The following NOL4L variants were observed in gnomAD, a reference collection of about 807,000 sequenced individuals.
The protein encoded by NOL4L is nucleolar protein 4-like.
A neutral mutation model predicts 64.5 loss-of-function variants in NOL4L; 7 were observed. The observed-to-expected ratio is 0.11, with a 90% CI of 0.06 to 0.20. The LOEUF is 0.20. Ranked by LOEUF, NOL4L falls within the 10% of genes least tolerant of loss-of-function variation. The probability of loss-of-function intolerance (pLI) is 1.00; values close to 1 mark genes in which losing one functional copy is unlikely to be tolerated. For missense variants in NOL4L, 680 were observed against 967.1 expected (o/e 0.70, Z 3.94); for synonymous variants, 413 against 401.0 (o/e 1.03, Z -0.36).
Position 32,446,554 on chromosome 20 carries a change from G to GAGGGCA in NOL4L, c.*1036_*1041dup, listed in dbSNP as rs2012340353. 1 of 152,688 alleles carries GAGGGCA rather than the reference G, an allele frequency of 6.5e-6. No individual in the cohort carries two copies. The highest frequency in any genetic ancestry group is 6.5e-5 in the Admixed American group (1 of 15,320). The allele number at this position is 152,688 out of a possible 1,614,324, so 9.5% of individuals were successfully genotyped here. A position where few individuals can be genotyped will look rare whatever the true frequency, so the allele number is the denominator to read the frequency against. ...ACCTGGCTCCTGGGCAGCGGGGTGT[G>GAGGGCA]AGGGCAAGGGCCCTGCCAACCGGCT... On this transcript the variant is annotated 3_prime_UTR_variant, in exon 11 of 11. Transcript: ENST00000621426.
chr20:32,507,930 G>A (rs1027663043), intron 4 of NOL4L, among the ~76,000 whole-genome samples: 2 of 152,226 alleles, frequency 1.3e-5, no homozygotes, highest in South Asian at 4.1e-4. Context: ...AGAAATGCTC[G>A]AACCTGGGAA....
At chr20:32,558,740 G>A (rs1381994843) in intron 1 of NOL4L, among the ~76,000 whole-genome samples, 1 of 152,194 alleles carries the variant, frequency 6.6e-6, no homozygotes, top group Non-Finnish European at 1.5e-5. Context: ...CTTGCAGGCT[G>A]TGGTATGGAG....
chr20:32,498,016 A>G (rs1156659600), intron 4 of NOL4L, among the ~76,000 whole-genome samples: 2 of 152,220 alleles, frequency 1.3e-5, no homozygotes, highest in Non-Finnish European at 2.9e-5. Context: ...CCCCCAGATA[A>G]TAAAGTTGAA....
Position 32,474,610 on chromosome 20 carries a change from G to T in NOL4L, c.832C>A (p.Gln278Lys). The T allele has an allele frequency of 6.2e-7, 1 of 1,612,242 alleles. No homozygotes were observed. The highest frequency in any genetic ancestry group is 2.2e-5 in the East Asian group (1 of 44,874). ...ACCAAGGGGCACTCACCGTCCTCTTGACTGTGGAGGTTCTGCGGGCTCCGC... is the reference window on the plus strand; with the variant it reads ...ACCAAGGGGCACTCACCGTCCTCTTTACTGTGGAGGTTCTGCGGGCTCCGC... ...RMRSPQNLHS[Q>K]EDDDSSSESG... The change falls in exon 5 of 11, where the codon CAA (glutamine) becomes AAA (lysine). Residue 278 changes from glutamine to lysine, a missense_variant. Physicochemically the swap from Gln to Lys is moderately conservative, Grantham distance 53 (BLOSUM62 1). Coordinates refer to ENST00000621426, the MANE Select transcript of NOL4L (RefSeq NM_001256798.2).
At chr20:32,570,919 G>T (rs1979712768) in intron 1 of NOL4L, among the ~76,000 whole-genome samples, 1 of 152,178 alleles carries the variant, frequency 6.6e-6, no homozygotes, top group Non-Finnish European at 1.5e-5. Flanking sequence ...ACAGCCTCCA[G>T]GGAAGCAGGT....
intron 1 of NOL4L, among the ~76,000 whole-genome samples, chr20:32,551,981 G>A (rs971393144): frequency 6.6e-6 from 1 of 152,006 alleles, no homozygotes; most frequent in Admixed American, 6.6e-5. Flanking sequence ...GTAGAGACAG[G>A]GTCTGGCTAT....
intron 4 of NOL4L, among the ~76,000 whole-genome samples, chr20:32,508,246 G>A (rs888704968): frequency 3.3e-5 from 5 of 152,200 alleles, no homozygotes; most frequent in Non-Finnish European, 7.3e-5. Context: ...ATGGTGGGGA[G>A]TCATTCGCCC....
chr20:32,569,686 G>C (rs1287545703), intron 1 of NOL4L, among the ~76,000 whole-genome samples: 1 of 152,158 alleles, frequency 6.6e-6, no homozygotes, highest in Admixed American at 6.5e-5. Flanking sequence ...GAGCCAACCA[G>C]CTGGAGAGCA....
At position 32,463,284 on chromosome 20, in the gene NOL4L, G is replaced by C. The variant is rs2014254636; in HGVS notation, c.842-6889C>G. Among the ~76,000 whole-genome samples the C allele has an allele frequency of 6.6e-6, 1 of 152,162 alleles. No homozygotes were observed. Among genetic ancestry groups the C allele is most frequent in the Admixed American group, 6.5e-5 (1 of 15,284 alleles). On this transcript the variant is annotated intron_variant, in intron 5 of 10. Coordinates refer to ENST00000621426, the MANE Select transcript of NOL4L (RefSeq NM_001256798.2). This position sits in a 1 kb window ranked among gnomAD's most constrained non-coding sequence, Gnocchi z 5.8. ...CCTAAGGGTGCCCAGGTGACCTCTT[G>C]TCCCCACCTGGTCCCCATCTTGCTG...
At chr20:32,529,689 TCCCTAAGTGGTAACCCTGGGAGGTGA>T (rs2018272363) in intron 1 of NOL4L, among the ~76,000 whole-genome samples, 2 of 152,138 alleles carry the variant, frequency 1.3e-5, no homozygotes, top group South Asian at 4.1e-4. Flanking sequence ...GCGGGCAGTG[TCCCTAAGTGGTAACCCTGGGAGGTGA>T]CCTCACTGGC....
intron 5 of NOL4L, among the ~76,000 whole-genome samples, chr20:32,456,982 C>G (rs1004289993): frequency 6.6e-6 from 1 of 152,228 alleles, no homozygotes; most frequent in African/African-American, 2.4e-5. Flanking sequence ...GGCACAGGCA[C>G]GGTGGCCCCC....
chr20:32,558,838 C>G (rs975800319), intron 1 of NOL4L, among the ~76,000 whole-genome samples: 4 of 152,192 alleles, frequency 2.6e-5, no homozygotes, highest in Non-Finnish European at 5.9e-5. Flanking sequence ...TTCGGAAGAT[C>G]GCTCTGGCTG....
intron 4 of NOL4L, among the ~76,000 whole-genome samples, chr20:32,488,804 TTTTTCTTTCTTTCTTTCTTTCTTTTTC>T (rs2016268385): frequency 5.5e-5 from 1 of 18,082 alleles, no homozygotes; most frequent in African/African-American, 3.0e-4. Context: ...TCTTTCTTTC[TTTTTCTTTCTTTCTTTCTTTCTTTTTC>T]TTTCTTTCTT....
At chr20:32,575,465 A>G (rs747241377) in intron 1 of NOL4L, among the ~76,000 whole-genome samples, 6 of 152,232 alleles carry the variant, frequency 3.9e-5, no homozygotes, top group Non-Finnish European at 8.8e-5. Context: ...TTCAAGGTCC[A>G]GGTGAAATGT....
At chr20:32,448,600 G>C (rs2012554344) in intron 10 of NOL4L, among the ~76,000 whole-genome samples, 1 of 152,232 alleles carries the variant, frequency 6.6e-6, no homozygotes, top group Non-Finnish European at 1.5e-5. Flanking sequence ...CTGTGCCTGA[G>C]TGAGGTGGAG....
intron 4 of NOL4L, among the ~76,000 whole-genome samples, chr20:32,496,795 C>G (rs183729167): frequency 8.5e-5 from 13 of 152,098 alleles, no homozygotes; most frequent in Middle Eastern, 6.8e-3. Flanking sequence ...GTGATCCACC[C>G]GCCTCAGCCT....
In NOL4L at chr20:32,456,325, C is replaced by T. The variant is rs1411040128; in HGVS notation, c.912G>A (p.Thr304=). The change falls in exon 6 of 11, where the codon ACG becomes ACA. Residue 304 remains threonine, a synonymous_variant. Transcript: ENST00000621426. ...TCTCGGGGAAGGCAGGGTCGCCCTG[C>T]GTGCTGCTCGACGTGGATGGGTTCA... is the stretch of plus-strand genomic sequence containing the variant. ...STLNPSTSSS[T]QGDPAFPEMN... The T allele has an allele frequency of 5.1e-6, 8 of 1,555,816 alleles. No homozygotes were observed. The highest frequency in any genetic ancestry group is 6.1e-6 in the Non-Finnish European group (7 of 1,147,568).
intron 5 of NOL4L, among the ~76,000 whole-genome samples, chr20:32,461,160 G>A (rs542650813): frequency 1.5e-4 from 23 of 152,190 alleles, no homozygotes; most frequent in Admixed American, 1.4e-3. Context: ...GGCTGCAGCC[G>A]CAAGGGCTGA....
At chr20:32,566,314 TGG>T (rs1979427928) in intron 1 of NOL4L, among the ~76,000 whole-genome samples, 1 of 152,104 alleles carries the variant, frequency 6.6e-6, no homozygotes, top group Non-Finnish European at 1.5e-5. Context: ...GGTGAGGAGC[TGG>T]ATGATAGTAG....
Sources: gnomAD v4.1 joint callset for allele counts (sites outside exome capture counted in the v4.1 genomes callset) on GRCh38, gnomAD v4.1.1 for gene constraint, Gnocchi (gnomAD v3.1) non-coding constraint, MANE v1.5 for transcripts, NCBI Gene and HGNC (gene_info 2026-07-23, HGNC 2026-07-21) for gene names.